Variants in NOMO2 observed in about 807,000 individuals in gnomAD.
The protein encoded by NOMO2 is NODAL modulator 2.
In NOMO2, 14 loss-of-function variants were observed where a neutral mutation model predicts 67.1. The ratio of observed to expected loss-of-function variants is 0.21; its 90% CI spans 0.14 to 0.33. The LOEUF (loss-of-function observed/expected upper bound fraction) is 0.33. Among genes scored for constraint, NOMO2 ranks in the 10% least tolerant of loss-of-function variants. The pLI is 1.00. For synonymous variants in NOMO2, 80 were observed against 305.9 expected (o/e 0.26, Z 7.71); for missense variants, 178 against 761.0 (o/e 0.23, Z 9.01).
At chr16:18,551,051 G>A (rs1265415177) in intron 4 of NOMO2, among the ~76,000 whole-genome samples, 2 of 151,314 alleles carry the variant, frequency 1.3e-5, no homozygotes, top group Non-Finnish European at 3.0e-5. Flanking sequence ...CTAGCTACTC[G>A]GGAGGGTGAA....
chr16:18,561,191 A>AAAAC (rs1567249201), intron 1 of NOMO2, among the ~76,000 whole-genome samples: 12 of 141,130 alleles, frequency 8.5e-5, no homozygotes, highest in African/African-American at 3.1e-4. Context: ...AAAAAAAAAA[A>AAAAC]AAAAAAAAAA....
intron 2 of NOMO2, among the ~76,000 whole-genome samples, chr16:18,556,083 GA>G (rs1482982683): frequency 8.1e-6 from 1 of 123,856 alleles, no homozygotes; most frequent in Admixed American, 9.0e-5. Context: ...TAAAATTGGG[GA>G]AAGTCTATAT....
Position 18,561,998 on chromosome 16 carries a change from C to T in NOMO2, c.43G>A (p.Val15Ile). Residue 15 changes from valine to isoleucine, a missense_variant, in exon 1 of 31, where the codon GTC becomes ATC. Physicochemically the swap from Val to Ile is conservative, Grantham distance 29. Coordinates refer to ENST00000622306, the MANE Select transcript of NOMO2 (RefSeq NM_173614.4). ...AGCAGCAGCACCACCGCGGCGGTGA[C>T]CACCGCGGGCCCCAGCAGCCCCGCG... ...QGAGLLGPAV[V>I]TAAVVLLLSG... The T allele has an allele frequency of 1.9e-6, 3 of 1,553,464 alleles. No individual in the cohort carries two copies. The highest frequency in any genetic ancestry group is 1.2e-5 in the South Asian group (1 of 85,034).
chr16:18,531,642 T>G (rs1403773643), intron 12 of NOMO2, 35 bp from the exon 13 acceptor site: 4 of 1,611,244 alleles, frequency 2.5e-6, no homozygotes, highest in South Asian at 1.1e-5. Context: ...AGAGGCTGCA[T>G]TCGGGGAGAT....
At position 18,539,494 on chromosome 16, in the gene NOMO2, C is replaced by T. The variant is rs1240470218; in HGVS notation, c.964-530G>A. ...CACCTAGGCCAGGCGCAGTGGTTCA[C>T]GCCTGTAATCCCAGCACTTTGGGAG... On this transcript the variant is annotated intron_variant, in intron 9 of 30. Transcript: ENST00000622306. 2.6e-5 allele frequency among the ~76,000 whole-genome samples: 4 copies of T among 151,760 alleles called. No homozygotes were observed. In the East Asian group the frequency reaches 7.8e-4, roughly 30 times the overall value.
intron 3 of NOMO2, among the ~76,000 whole-genome samples, chr16:18,552,906 G>C (rs994068502): frequency 4.6e-5 from 7 of 152,018 alleles, no homozygotes; most frequent in Non-Finnish European, 8.8e-5. Context: ...ACTGCTCTTA[G>C]TGGCCAAAAT....
chr16:18,538,521 C>T lies in NOMO2; in HGVS notation c.1220+5G>A. On this transcript the variant is annotated splice_donor_5th_base_variant and intron_variant, in intron 11 of 30. Transcript: ENST00000622306. ...GGTGCTTCCAAATCCACACGATAAG[C>T]TTACCCTGTTGCAACAATGTCAGCC... is the stretch of plus-strand genomic sequence containing the variant. The T allele has an allele frequency of 6.2e-7, 1 of 1,613,578 alleles. No homozygotes were observed. The highest frequency in any genetic ancestry group is 1.7e-4 in the Middle Eastern group (1 of 6,054).
intron 11 of NOMO2, among the ~76,000 whole-genome samples, chr16:18,537,033 TC>T: frequency 1.3e-5 from 2 of 151,834 alleles, no homozygotes; most frequent in South Asian, 2.1e-4. Flanking sequence ...GCTCCCTAGG[TC>T]CCCCCTGGGC....
At chr16:18,537,214 C>T (rs379521) in intron 11 of NOMO2, among the ~76,000 whole-genome samples, 1 of 152,038 alleles carries the variant, frequency 6.6e-6, no homozygotes, top group South Asian at 2.1e-4. Context: ...CAAATCTGAA[C>T]CCTCATCACC....
At chr16:18,529,468 T>C (rs1393292118) in intron 15 of NOMO2, 33 bp downstream of exon 15, 2 of 1,611,504 alleles carry the variant, frequency 1.2e-6, no homozygotes. Flanking sequence ...GCGAGCGCTT[T>C]TCCAAATAAG....
chr16:18,560,780 T>A (rs1902020405), intron 1 of NOMO2, among the ~76,000 whole-genome samples: 1 of 151,772 alleles, frequency 6.6e-6, no homozygotes, highest in Non-Finnish European at 1.5e-5. Flanking sequence ...GGTGTGGAAC[T>A]GACTCCCTAC....
intron 20 of NOMO2, among the ~76,000 whole-genome samples, 159 bp downstream of exon 20, chr16:18,520,438 T>C (rs1156303903): frequency 4.7e-5 from 7 of 150,192 alleles, no homozygotes; most frequent in African/African-American, 1.5e-4. Context: ...CATCCATCCA[T>C]CCATCCATCC....
intron 3 of NOMO2, among the ~76,000 whole-genome samples, chr16:18,553,000 G>A (rs7195965): frequency 0.55 from 83,413 of 151,064 alleles, 23,168 homozygotes; most frequent in Middle Eastern, 0.66. Context: ...TAGGCCAGGC[G>A]TGGTGGCTCT....
intron 11 of NOMO2, among the ~76,000 whole-genome samples, chr16:18,534,446 T>C (rs2141725763): frequency 7.0e-6 from 1 of 142,860 alleles, no homozygotes; most frequent in Admixed American, 7.5e-5. Flanking sequence ...GCCCATTCAT[T>C]TACAAATGTC....
rs759727849 is a variant in NOMO2, at chr16:18,529,412, C to T, written c.1806+89G>A. 50 of 1,610,880 alleles carry T rather than the reference C, an allele frequency of 3.1e-5. 1 individual carries two copies. Among genetic ancestry groups the T allele is most frequent in the Admixed American group, 1.2e-4 (7 of 59,920 alleles). ...CAGAAAAGGAAATCTGACTTGCCTA[C>T]GTTTACAATATTCCTGGGATGTTAG... On this transcript the variant is annotated intron_variant, in intron 15 of 30. Coordinates refer to ENST00000622306, the MANE Select transcript of NOMO2 (RefSeq NM_173614.4).
chr16:18,531,421 G>A, intron 13 of NOMO2, 45 bp downstream of exon 13: 5 of 1,613,290 alleles, frequency 3.1e-6, no homozygotes, highest in Non-Finnish European at 4.2e-6. Flanking sequence ...CCTACTGGCT[G>A]ACTTCTTTGA....
chr16:18,559,521 G>A (rs1404756134), intron 1 of NOMO2, among the ~76,000 whole-genome samples: 2 of 152,020 alleles, frequency 1.3e-5, no homozygotes, highest in South Asian at 2.1e-4. Context: ...GAAAGGACTC[G>A]TGTGAAATAA....
rs1412014066 is a variant in NOMO2, at chr16:18,533,111, T to C, written c.1289A>G (p.Lys430Arg). ...PDTVKQMNKY[K>R]VVLSSQDKDK... ...CTTGTCTTGAGATGACAGGACAACT[T>C]TGTATTTATTCATCTGCTTGACGGT... The change falls in exon 12 of 31, where the codon AAA becomes AGA. Residue 430 changes from lysine to arginine, a missense_variant. Transcript: ENST00000622306. The C allele has an allele frequency of 6.2e-7, 1 of 1,611,318 alleles. No homozygotes were observed. Among genetic ancestry groups the C allele is most frequent in the Non-Finnish European group, 8.5e-7 (1 of 1,179,684 alleles).
intron 1 of NOMO2, among the ~76,000 whole-genome samples, chr16:18,558,481 C>G (rs1395804288): frequency 1.4e-5 from 2 of 146,862 alleles, no homozygotes; most frequent in Non-Finnish European, 3.0e-5. Context: ...ATTCCTGGGG[C>G]CCACCTCTAT....
Sources: allele counts gnomAD v4.1 joint callset (sites outside exome capture counted in the v4.1 genomes callset), GRCh38; gene constraint gnomAD v4.1.1; transcripts MANE v1.5; gene names NCBI Gene and HGNC (gene_info 2026-07-23, HGNC 2026-07-21).